The following CCNJ variants were observed in gnomAD, a reference collection of about 807,000 sequenced individuals.
CCNJ encodes cyclin J.
In CCNJ, 12 loss-of-function variants were observed where a neutral mutation model predicts 41.4. The ratio of observed to expected loss-of-function variants is 0.29; its 90% CI spans 0.19 to 0.47. The LOEUF is 0.47. Ranked by LOEUF, CCNJ falls within the 20% of genes least tolerant of loss-of-function variation. The pLI, the probability that CCNJ is intolerant of heterozygous loss-of-function variation, is 1.00. For missense variants in CCNJ, 340 were observed against 464.6 expected (o/e 0.73, Z 2.47); for synonymous variants, 161 against 173.4 (o/e 0.93, Z 0.56).
intron 2 of CCNJ, among the ~76,000 whole-genome samples, chr10:96,049,465 TTTTC>T (rs201694073): frequency 0.11 from 15,624 of 136,536 alleles, 833 homozygotes; most frequent in Middle Eastern, 0.16. Flanking sequence ...CCCATTTCTC[TTTTC>T]TTTTTCTTTT....
chr10:96,043,574 C>T (rs1050945202), upstream of CCNJ: 3 of 394,896 alleles, frequency 7.6e-6, no homozygotes, highest in East Asian at 3.6e-5. Flanking sequence ...AGCCGCCTGC[C>T]GGTCCTTTAA....
rs1487778607 is a variant in CCNJ at position 96,057,152 on chromosome 10, T to C, written c.645T>C (p.Ile215=). 1 of 1,614,158 alleles carries C rather than the reference T, an allele frequency of 6.2e-7. No homozygotes were observed. The highest frequency in any genetic ancestry group is 1.1e-5 in the South Asian group (1 of 91,082). The part of the protein sequence containing the change: ...VAAACVASSR[I]ILRLSPTWPT... Reference sequence around the variant, plus strand: ...CTGCATGTGTGGCTTCTTCGAGGATTATACTTCGTCTTTCTCCAACGTGGC... The same window carrying C: ...CTGCATGTGTGGCTTCTTCGAGGATCATACTTCGTCTTTCTCCAACGTGGC... The change falls in exon 5 of 6, where the codon ATT becomes ATC. Residue 215 remains isoleucine, a synonymous_variant. Coordinates refer to ENST00000465148, the MANE Select transcript of CCNJ (RefSeq NM_001134375.2).
At chr10:96,048,526 C>G (rs1271924232) in intron 2 of CCNJ, among the ~76,000 whole-genome samples, 1 of 152,094 alleles carries the variant, frequency 6.6e-6, no homozygotes, top group African/African-American at 2.4e-5. Flanking sequence ...TTGTTGTCAC[C>G]ACTATCTATC....
intron 2 of CCNJ, among the ~76,000 whole-genome samples, chr10:96,044,781 C>G (rs540183016): frequency 6.6e-6 from 1 of 152,280 alleles, no homozygotes; most frequent in Admixed American, 6.5e-5. Flanking sequence ...TTGGGCAGAA[C>G]AGCCCTCTTT....
At chr10:96,045,421 AC>A (rs1399303242) in intron 2 of CCNJ, among the ~76,000 whole-genome samples, 1 of 152,222 alleles carries the variant, frequency 6.6e-6, no homozygotes, top group African/African-American at 2.4e-5. Context: ...ATGATAATGA[AC>A]TTTTATCTTG....
chr10:96,048,982 G>A (rs2142037767), intron 2 of CCNJ, among the ~76,000 whole-genome samples: 1 of 152,238 alleles, frequency 6.6e-6, no homozygotes, highest in South Asian at 2.1e-4. Context: ...TTAATTTATT[G>A]AGGGATTGCC....
Position 96,044,439 on chromosome 10 carries a change from A to G in CCNJ, c.46A>G (p.Ile16Val), listed in dbSNP as rs370281106. 2.1e-5 allele frequency: 33 copies of G among 1,560,352 alleles called. No homozygotes were observed. The highest frequency in any genetic ancestry group is 2.7e-5 in the Non-Finnish European group (31 of 1,148,258). ...GTGGCGAGGACAGCTGGCCGCCGAT[A>G]TTCACCAAGCGCTTCGCTACAAGGT... ...QWWRGQLAAD[I>V]HQALRYKELK... Residue 16 changes from isoleucine to valine, a missense_variant, in exon 2 of 6, where the codon ATT becomes GTT. Around this residue, in one of 3 missense-constraint regions of CCNJ, gnomAD observed 44 missense variants for 43.6 expected, o/e 1.01. Coordinates refer to ENST00000465148, the MANE Select transcript of CCNJ (RefSeq NM_001134375.2).
intron 3 of CCNJ, among the ~76,000 whole-genome samples, chr10:96,051,149 A>T (rs1204779636): frequency 6.6e-6 from 1 of 152,252 alleles, no homozygotes; most frequent in East Asian, 1.9e-4. Flanking sequence ...TTGCTTATGC[A>T]TTAGACCAAC....
At position 96,057,082 on chromosome 10, in the gene CCNJ, C is replaced by T; in HGVS notation, c.581-6C>T. On this transcript the variant is annotated splice_polypyrimidine_tract_variant and splice_region_variant and intron_variant, in intron 4 of 5. Coordinates refer to ENST00000465148, the MANE Select transcript of CCNJ (RefSeq NM_001134375.2). ...TTCCTTAAGTTCATTTTTGGTGTCT[C>T]CACAGATTATGCCTTTCTAAATTAT... The T allele has an allele frequency of 6.2e-7, 1 of 1,614,094 alleles. No homozygotes were observed. Among genetic ancestry groups the T allele is most frequent in the Non-Finnish European group, 8.5e-7 (1 of 1,179,960 alleles).
At chr10:96,052,076 A>G (rs759665693) in intron 3 of CCNJ, among the ~76,000 whole-genome samples, 2 of 151,302 alleles carry the variant, frequency 1.3e-5, no homozygotes, top group Non-Finnish European at 3.0e-5. Flanking sequence ...AAATTCAGAC[A>G]CTTCACTCAT....
chr10:96,057,932 G>C lies in CCNJ; in HGVS notation c.843G>C (p.Arg281=). The change falls in exon 6 of 6, where the codon CGG becomes CGC. Residue 281 remains arginine, a synonymous_variant. Coordinates refer to ENST00000465148, the MANE Select transcript of CCNJ (RefSeq NM_001134375.2). ...SVFQTASQPS[R]PVHFQQPQYL... ...TCCAGACAGCCTCCCAGCCATCACG[G>C]CCAGTTCACTTTCAGCAACCTCAGT... 6 of 1,614,172 alleles carry C rather than the reference G, an allele frequency of 3.7e-6. No individual in the cohort carries two copies. Among genetic ancestry groups the C allele is most frequent in the Non-Finnish European group, 5.1e-6 (6 of 1,180,030 alleles).
intron 3 of CCNJ, among the ~76,000 whole-genome samples, chr10:96,051,887 T>C (rs890656211): frequency 5.9e-5 from 9 of 152,238 alleles, no homozygotes; most frequent in Non-Finnish European, 1.3e-4. Flanking sequence ...AAAACACAGC[T>C]GCAGCATGAC....
At chr10:96,043,414 C>G (rs932519933), upstream of CCNJ, 3 of 370,348 alleles carry the variant, frequency 8.1e-6, no homozygotes, top group Admixed American at 9.2e-5. Context: ...GCTGACCGTA[C>G]CCAGGCGGGA....
Position 96,059,129 on chromosome 10 carries a change from A to C in CCNJ, c.*888A>C, listed in dbSNP as rs1341422419. On this transcript the variant is annotated 3_prime_UTR_variant, in exon 6 of 6. Coordinates refer to ENST00000465148, the MANE Select transcript of CCNJ (RefSeq NM_001134375.2). ...TGGTAGTTCCTGTGATTCATAATAC[A>C]TATGTAGGTTTTGCATATCTCAGTG... The C allele has an allele frequency of 6.6e-6, 1 of 152,652 alleles. No homozygotes were observed. Among genetic ancestry groups the C allele is most frequent in the Non-Finnish European group, 1.5e-5 (1 of 68,036 alleles). 9.5% of individuals were successfully genotyped at this position (152,652 alleles called of 1,614,324 possible).
intron 2 of CCNJ, among the ~76,000 whole-genome samples, chr10:96,047,356 A>T (rs2080392567): frequency 6.6e-6 from 1 of 152,144 alleles, no homozygotes; most frequent in Non-Finnish European, 1.5e-5. Flanking sequence ...GGAAAAAAAA[A>T]ATTTTTTTGG....
In CCNJ at chr10:96,045,324, A is replaced by G. The variant is rs1160418638; in HGVS notation, c.69+862A>G. Among the ~76,000 whole-genome samples the G allele has an allele frequency of 2.6e-5, 4 of 152,234 alleles. 1 individual carries two copies. The South Asian group carries it at 6.2e-4, about 24-fold the overall frequency. ...AGTTTCACCTTGGATAAAGAAAGCCATTTGTTAAATGTAGAAAATTGAGAA... is the reference window on the plus strand; with the variant it reads ...AGTTTCACCTTGGATAAAGAAAGCCGTTTGTTAAATGTAGAAAATTGAGAA... On this transcript the variant is annotated intron_variant, in intron 2 of 5. Coordinates refer to ENST00000465148, the MANE Select transcript of CCNJ (RefSeq NM_001134375.2).
At chr10:96,043,221 G>A (rs2080262179), upstream of CCNJ, among the ~76,000 whole-genome samples, 1 of 152,240 alleles carries the variant, frequency 6.6e-6, no homozygotes, top group Non-Finnish European at 1.5e-5. Context: ...AGGAGCCATC[G>A]AAGGTTCTCA....
Position 96,058,293 on chromosome 10 carries a change from G to A in CCNJ, c.*52G>A. On this transcript the variant is annotated 3_prime_UTR_variant, in exon 6 of 6. Coordinates refer to ENST00000465148, the MANE Select transcript of CCNJ (RefSeq NM_001134375.2). ...AGACTGCTTTGTGACATGAAGCTAT[G>A]GGTAAGCGTTTTGTAAACTTCTGTT... 4 of 1,492,444 alleles carry A rather than the reference G, an allele frequency of 2.7e-6. No homozygotes were observed. Among genetic ancestry groups the A allele is most frequent in the Non-Finnish European group, 2.7e-6 (3 of 1,093,156 alleles). 92.5% of individuals were successfully genotyped at this position (1,492,444 alleles called of 1,614,324 possible).
At chr10:96,046,779 C>G (rs1393390970) in intron 2 of CCNJ, among the ~76,000 whole-genome samples, 1 of 152,138 alleles carries the variant, frequency 6.6e-6, no homozygotes, top group Admixed American at 6.5e-5. Flanking sequence ...CTCAAAAAAC[C>G]CCTACAAAGC....
Sources: allele counts gnomAD v4.1 joint callset (sites outside exome capture counted in the v4.1 genomes callset), GRCh38; gene constraint gnomAD v4.1.1; regional missense constraint gnomAD v4.1.1; transcripts MANE v1.5; gene names NCBI Gene and HGNC (gene_info 2026-07-23, HGNC 2026-07-21).